Variants in KCNIP4 observed in about 807,000 individuals in gnomAD.
KCNIP4 encodes the protein Kv channel-interacting protein 4.
A neutral mutation model predicts 34.0 loss-of-function variants in KCNIP4; 12 were observed. The ratio of observed to expected loss-of-function variants is 0.35; its 90% confidence interval spans 0.23 to 0.57. The LOEUF is 0.57. Ranked by LOEUF, KCNIP4 falls within the 20% of genes least tolerant of loss-of-function variation. The pLI, the probability that KCNIP4 is intolerant of heterozygous loss-of-function variation, is 0.83. For missense variants in KCNIP4, 238 were observed against 311.7 expected, an observed-to-expected ratio of 0.76 and a Z score of 1.78; for synonymous variants, 124 against 102.2, an observed-to-expected ratio of 1.21 and a Z score of -1.29.
At chr4:21,561,999 G>A (rs1027985562) in intron 1 of KCNIP4, among the ~76,000 whole-genome samples, 1 of 151,888 alleles carries the variant, frequency 6.6e-6, no homozygotes, top group Non-Finnish European at 1.5e-5. Flanking sequence ...CTTGGTCAGG[G>A]TATAGAATTC....
intron 1 of KCNIP4, among the ~76,000 whole-genome samples, chr4:21,748,296 G>A (rs1445751479): frequency 6.6e-6 from 1 of 152,108 alleles, no homozygotes; most frequent in Non-Finnish European, 1.5e-5. Context: ...CTTTCCACTA[G>A]GCAAAACAGA....
At chr4:20,851,383 A>G (rs141999807) in intron 2 of KCNIP4, among the ~76,000 whole-genome samples, 2,745 of 152,292 alleles carry the variant, frequency 0.018, 50 homozygotes, top group South Asian at 0.041. Context: ...TTATGGCTGC[A>G]TAGTATTCCA....
At chr4:21,373,194 G>A (rs1438488976) in intron 1 of KCNIP4, among the ~76,000 whole-genome samples, 2 of 146,632 alleles carry the variant, frequency 1.4e-5, no homozygotes, top group Admixed American at 6.6e-5. Context: ...GTGGTGGTGT[G>A]CACTTGTAGT....
At chr4:21,154,718 G>C (rs978732974) in intron 1 of KCNIP4, among the ~76,000 whole-genome samples, 3 of 152,136 alleles carry the variant, frequency 2.0e-5, no homozygotes, top group East Asian at 1.9e-4. Flanking sequence ...TTAATCTATG[G>C]TATGTTAGAA....
At chr4:21,407,679 C>T (rs1178413435) in intron 1 of KCNIP4, among the ~76,000 whole-genome samples, 1 of 152,178 alleles carries the variant, frequency 6.6e-6, no homozygotes, top group African/African-American at 2.4e-5. Context: ...TTAACTAATA[C>T]ACTATTGCAC....
chr4:21,687,228 G>A (rs945695203), intron 1 of KCNIP4, among the ~76,000 whole-genome samples: 1 of 146,958 alleles, frequency 6.8e-6, no homozygotes, highest in African/African-American at 2.5e-5. Flanking sequence ...TAGATGACGC[G>A]TTAGTGGGTG....
intron 1 of KCNIP4, among the ~76,000 whole-genome samples, chr4:21,669,671 G>T (rs1266581216): frequency 6.6e-6 from 1 of 152,028 alleles, no homozygotes; most frequent in Non-Finnish European, 1.5e-5. Flanking sequence ...AAAGTATGAT[G>T]ACCCCTATCA....
chr4:21,209,166 T>C (rs1254584354), intron 1 of KCNIP4, among the ~76,000 whole-genome samples: 2 of 152,194 alleles, frequency 1.3e-5, no homozygotes, highest in African/African-American at 4.8e-5. Flanking sequence ...ATTTATAGGG[T>C]ACATAGTGAT....
rs1553903108 is a variant in KCNIP4 at position 21,556,930 on chromosome 4, A to AAAAAAAAAAAAAAAAAAAAAAAAAC, written c.61+391640_61+391641insGTTTTTTTTTTTTTTTTTTTTTTTT. Among the ~76,000 whole-genome samples, 117 of 108,176 alleles carry AAAAAAAAAAAAAAAAAAAAAAAAAC rather than the reference A, an allele frequency of 1.1e-3. 3 individuals carry two copies. Among genetic ancestry groups the AAAAAAAAAAAAAAAAAAAAAAAAAC allele is most frequent in the East Asian group, 6.8e-3 (21 of 3,086 alleles). The allele number at this position is 108,176 out of a possible 152,430, so 71.0% of individuals were successfully genotyped here. On this transcript the variant is annotated intron_variant, in intron 1 of 8. Coordinates refer to ENST00000382152, the MANE Select transcript of KCNIP4 (RefSeq NM_025221.6). ...AGCAAGACTCCATCTCAGAAAAAAA[A>AAAAAAAAAAAAAAAAAAAAAAAAAC]AAAAAAAAAAAAACCAGAAAACAAA...
At chr4:21,667,844 G>A (rs1749117897) in intron 1 of KCNIP4, among the ~76,000 whole-genome samples, 1 of 152,184 alleles carries the variant, frequency 6.6e-6, no homozygotes, top group African/African-American at 2.4e-5. Flanking sequence ...TTCTACGGTG[G>A]GACAGGCGGT....
intron 1 of KCNIP4, among the ~76,000 whole-genome samples, chr4:21,948,067 G>A (rs1678319516): frequency 6.6e-6 from 1 of 152,184 alleles, no homozygotes; most frequent in Admixed American, 6.5e-5. Flanking sequence ...CAAGCCATAC[G>A]CTCCTGCTTT....
At chr4:21,170,264 G>C (rs745775955) in intron 1 of KCNIP4, among the ~76,000 whole-genome samples, 1 of 152,026 alleles carries the variant, frequency 6.6e-6, no homozygotes, top group Non-Finnish European at 1.5e-5. Context: ...AGCTATTTTT[G>C]CCAGGATAAA....
At position 20,992,015 on chromosome 4, in the gene KCNIP4, G is replaced by A. The variant is rs113319825; in HGVS notation, c.62-109306C>T. ...GTACTTGGGAAACAGAACCCAGCAG[G>A]CTTTGGCTTAAATGCTTTCCAATTC... is the stretch of plus-strand genomic sequence containing the variant. On this transcript the variant is annotated intron_variant, in intron 1 of 8. Transcript: ENST00000382152. Among the ~76,000 whole-genome samples, 255 of 152,304 alleles carry A rather than the reference G, an allele frequency of 1.7e-3. 4 individuals are homozygous for A. Among genetic ancestry groups the A allele is most frequent in the South Asian group, 1.7e-3 (8 of 4,830 alleles).
chr4:20,898,769 A>G (rs1049767537), intron 1 of KCNIP4, among the ~76,000 whole-genome samples: 3 of 152,300 alleles, frequency 2.0e-5, no homozygotes, highest in Non-Finnish European at 4.4e-5. Context: ...CTATATCTAT[A>G]TCGTATCTAT....
chr4:21,339,143 G>A (rs539922271), intron 1 of KCNIP4, among the ~76,000 whole-genome samples: 4 of 152,252 alleles, frequency 2.6e-5, no homozygotes, highest in East Asian at 1.9e-4. Context: ...AAGCATGATC[G>A]CTGTCTACTA....
intron 1 of KCNIP4, among the ~76,000 whole-genome samples, chr4:21,634,491 T>C (rs1485278640): frequency 1.3e-5 from 2 of 152,094 alleles, no homozygotes; most frequent in African/African-American, 4.8e-5. Context: ...ATTTTCTCCT[T>C]TTCACATTTA....
intron 1 of KCNIP4, among the ~76,000 whole-genome samples, chr4:20,944,362 A>C (rs1731967479): frequency 6.6e-6 from 1 of 152,104 alleles, no homozygotes; most frequent in Admixed American, 6.5e-5. Flanking sequence ...ATTTCCATAG[A>C]CCAAAGACTA....
chr4:21,521,877 G>T (rs1735556069), intron 1 of KCNIP4, among the ~76,000 whole-genome samples: 1 of 151,838 alleles, frequency 6.6e-6, no homozygotes, highest in Non-Finnish European at 1.5e-5. Flanking sequence ...TGGAAAGCAT[G>T]TGTGAATTGT....
intron 1 of KCNIP4, among the ~76,000 whole-genome samples, chr4:21,827,684 T>A (rs1560744037): frequency 6.6e-6 from 1 of 151,970 alleles, no homozygotes; most frequent in East Asian, 1.9e-4. Context: ...AAAAATAAGA[T>A]AACAAGCAAA....
Sources: gnomAD v4.1 joint callset for allele counts (sites outside exome capture counted in the v4.1 genomes callset) on GRCh38, gnomAD v4.1.1 for gene constraint, MANE v1.5 for transcripts, NCBI Gene and HGNC (gene_info 2026-07-23, HGNC 2026-07-21) for gene names.